The following GHR variants were observed in gnomAD, a reference collection of about 807,000 sequenced individuals.
GHR encodes the protein growth hormone receptor.
A neutral mutation model predicts 67.1 loss-of-function variants in GHR; 35 were observed. The ratio of observed to expected loss-of-function variants is 0.52; its 90% confidence interval spans 0.40 to 0.69. GHR has a LOEUF of 0.69. Among genes scored for constraint, GHR ranks in the 30% least tolerant of loss-of-function variants. The probability of loss-of-function intolerance (pLI) is 0.00; values close to 1 mark genes in which losing one functional copy is unlikely to be tolerated. For missense variants in GHR, 792 were observed against 764.6 expected (o/e 1.04, Z -0.42); for synonymous variants, 272 against 269.1 (o/e 1.01, Z -0.10).
intron 2 of GHR, among the ~76,000 whole-genome samples, chr5:42,628,708 T>C (rs1410535520): frequency 7.6e-6 from 1 of 132,204 alleles, no homozygotes; most frequent in Non-Finnish European, 1.6e-5. Flanking sequence ...GCAAGATTAA[T>C]GGCCTATAGG....
chr5:42,572,038 A>G (rs894488734), intron 2 of GHR, among the ~76,000 whole-genome samples: 3 of 152,188 alleles, frequency 2.0e-5, no homozygotes, highest in African/African-American at 7.2e-5. Context: ...AGGATTCCTC[A>G]GTCACCCCAG....
chr5:42,641,180 C>CGT (rs1561190124), intron 3 of GHR, among the ~76,000 whole-genome samples: 4 of 151,952 alleles, frequency 2.6e-5, no homozygotes, highest in African/African-American at 9.7e-5. Context: ...AGGCTGTACA[C>CGT]AGAGCTAAAA....
intron 2 of GHR, among the ~76,000 whole-genome samples, chr5:42,621,755 G>A (rs770274365): frequency 3.3e-5 from 5 of 152,126 alleles, no homozygotes; most frequent in Admixed American, 2.6e-4. Flanking sequence ...GAAACCACCA[G>A]CACCATTTCA....
At chr5:42,512,034 A>G (rs1342849696) in intron 1 of GHR, among the ~76,000 whole-genome samples, 1 of 152,170 alleles carries the variant, frequency 6.6e-6, no homozygotes, top group East Asian at 1.9e-4. Context: ...AAAAATTAAT[A>G]TTTGATGGAA....
intron 3 of GHR, among the ~76,000 whole-genome samples, chr5:42,649,948 AC>A (rs952829345): frequency 6.6e-6 from 1 of 152,192 alleles, no homozygotes; most frequent in African/African-American, 2.4e-5. Context: ...CAGGGAAGAA[AC>A]CAGAGCTCTT....
intron 2 of GHR, among the ~76,000 whole-genome samples, chr5:42,575,806 C>T (rs1351916753): frequency 6.0e-5 from 9 of 150,984 alleles, no homozygotes; most frequent in Non-Finnish European, 1.2e-4. Context: ...GAGGCCAAGG[C>T]GGGTGGATCG....
intron 1 of GHR, among the ~76,000 whole-genome samples, chr5:42,438,441 A>T (rs1743429227): frequency 6.6e-6 from 1 of 152,076 alleles, no homozygotes; most frequent in Non-Finnish European, 1.5e-5. Flanking sequence ...AACTCAGGTG[A>T]CTCATTTCTA....
intron 1 of GHR, among the ~76,000 whole-genome samples, chr5:42,463,127 A>G (rs1021432388): frequency 1.3e-5 from 2 of 152,116 alleles, no homozygotes; most frequent in African/African-American, 4.8e-5. Flanking sequence ...CTAAGCATCT[A>G]TGTAATAGTG....
chr5:42,583,842 T>C (rs1020290512), intron 2 of GHR, among the ~76,000 whole-genome samples: 2 of 150,430 alleles, frequency 1.3e-5, no homozygotes, highest in Non-Finnish European at 3.0e-5. Context: ...TTTCCAAATC[T>C]TGCAAAAAAT....
intron 2 of GHR, among the ~76,000 whole-genome samples, chr5:42,577,720 C>T (rs1199559371): frequency 1.3e-5 from 2 of 152,170 alleles, no homozygotes; most frequent in African/African-American, 4.8e-5. Context: ...ACAATGAATT[C>T]ATTCTTCTTG....
intron 3 of GHR, among the ~76,000 whole-genome samples, chr5:42,664,040 C>T (rs948834882): frequency 4.2e-4 from 64 of 152,134 alleles, no homozygotes; most frequent in Admixed American, 1.0e-3. Context: ...TTACAAGGGA[C>T]ATGAAGGACC....
intron 1 of GHR, among the ~76,000 whole-genome samples, chr5:42,459,706 A>G (rs1281328683): frequency 6.6e-6 from 1 of 152,330 alleles, no homozygotes; most frequent in East Asian, 1.9e-4. Context: ...ATACCAGAAC[A>G]ATATTATGAT....
At chr5:42,502,569 A>G (rs939725372) in intron 1 of GHR, among the ~76,000 whole-genome samples, 1 of 151,988 alleles carries the variant, frequency 6.6e-6, no homozygotes, top group African/African-American at 2.4e-5. Context: ...TGGCTTAAAT[A>G]AGTGATTTGT....
rs541458548 is a variant in GHR, at chr5:42,555,390, C to T, written c.-11-10474C>T. ...ATGGTGTCTACCTCTCTTTATAATTCACATCCAAATATTACTCTGTCTTTT... is the reference window on the plus strand; with the variant it reads ...ATGGTGTCTACCTCTCTTTATAATTTACATCCAAATATTACTCTGTCTTTT... On this transcript the variant is annotated intron_variant, in intron 1 of 9. Transcript: ENST00000230882. 3.3e-4 allele frequency among the ~76,000 whole-genome samples: 50 copies of T among 152,302 alleles called. 1 individual carries two copies. Among genetic ancestry groups the T allele is most frequent in the African/African-American group, 1.2e-3 (49 of 41,562 alleles).
chr5:42,468,021 G>T, intron 1 of GHR: 1 of 776,426 alleles, frequency 1.3e-6, no homozygotes, highest in Non-Finnish European at 2.2e-6. Context: ...CTTAACTCAG[G>T]TCCTTAAGGA....
At chr5:42,606,893 T>C (rs754359215) in intron 2 of GHR, among the ~76,000 whole-genome samples, 1 of 152,114 alleles carries the variant, frequency 6.6e-6, no homozygotes, top group African/African-American at 2.4e-5. Context: ...ATTGCCACCT[T>C]GTTCTCTGTG....
At chr5:42,476,808 G>A (rs556320986) in intron 1 of GHR, among the ~76,000 whole-genome samples, 4 of 152,102 alleles carry the variant, frequency 2.6e-5, no homozygotes, top group South Asian at 4.2e-4. Flanking sequence ...ACCCTGATAG[G>A]GGATGGTCTC....
chr5:42,507,237 A>G (rs2112252064), intron 1 of GHR, among the ~76,000 whole-genome samples: 1 of 152,364 alleles, frequency 6.6e-6, no homozygotes, highest in African/African-American at 2.4e-5. Flanking sequence ...AAAATATTTC[A>G]GTGAAGGTTA....
At chr5:42,679,201 C>A (rs1756731758) in intron 3 of GHR, among the ~76,000 whole-genome samples, 1 of 142,018 alleles carries the variant, frequency 7.0e-6, no homozygotes, top group African/African-American at 2.6e-5. Flanking sequence ...ATATTAATAA[C>A]ATACTATTAT....
Sources: gnomAD v4.1 joint callset for allele counts (sites outside exome capture counted in the v4.1 genomes callset) on GRCh38, gnomAD v4.1.1 for gene constraint, MANE v1.5 for transcripts, NCBI Gene and HGNC (gene_info 2026-07-23, HGNC 2026-07-21) for gene names.